Variants in TTC28 observed in about 807,000 individuals in gnomAD.
TTC28 encodes tetratricopeptide repeat domain 28.
In TTC28, 61 loss-of-function variants were observed where a neutral mutation model predicts 198.0. That is an observed-to-expected ratio of 0.31 (90% CI 0.25 to 0.38). The LOEUF (loss-of-function observed/expected upper bound fraction) is 0.38, where lower values mean the gene tolerates loss of function less well. Among genes scored for constraint, TTC28 ranks in the 10% least tolerant of loss-of-function variants. TTC28 has a pLI of 1.00. For synonymous variants in TTC28, 1,171 were observed against 1,297.8 expected (o/e 0.90, Z 2.10); for missense variants, 2,678 against 3,164.0 (o/e 0.85, Z 3.69).
intron 2 of TTC28, among the ~76,000 whole-genome samples, chr22:28,402,422 A>G (rs1486538938): frequency 3.3e-5 from 5 of 152,322 alleles, no homozygotes; most frequent in Non-Finnish European, 1.5e-5. Context: ...TTTACCTAAA[A>G]TCACCCCCAG....
Position 28,594,437 on chromosome 22 carries a change from G to T in TTC28, c.381+35115C>A, listed in dbSNP as rs181085683. On this transcript the variant is annotated intron_variant, in intron 2 of 22. Transcript: ENST00000397906. The stretch of plus-strand genomic sequence containing the variant: ...ACCTTCTGAGGTCTGGGGAAAAACT[G>T]CCATAAATTGAGAATCACTGAAGCA... 2.9e-4 allele frequency among the ~76,000 whole-genome samples: 44 copies of T among 152,072 alleles called. 1 individual carries two copies. Among genetic ancestry groups the T allele is most frequent in the African/African-American group, 1.0e-3 (42 of 41,508 alleles).
intron 13 of TTC28, among the ~76,000 whole-genome samples, chr22:28,017,166 G>A (rs992069004): frequency 1.3e-5 from 2 of 152,234 alleles, no homozygotes; most frequent in African/African-American, 2.4e-5. Context: ...GCTTGGGCAC[G>A]TGAGCTAGAG....
Position 28,403,942 on chromosome 22 carries a change from A to G in TTC28, c.382-97299T>C, listed in dbSNP as rs2046957958. The stretch of plus-strand genomic sequence containing the variant: ...GGGAAGACAGACTTTTTTTAAGTAA[A>G]GAAACATCTGCCCAAAAAGCTTAGG... On this transcript the variant is annotated intron_variant, in intron 2 of 22. Transcript: ENST00000397906. 2.0e-5 allele frequency among the ~76,000 whole-genome samples: 3 copies of G among 152,222 alleles called. No individual in the cohort carries two copies. In the South Asian group the frequency reaches 6.2e-4, roughly 32 times the overall value.
chr22:28,603,765 G>T (rs1357045639), intron 2 of TTC28, among the ~76,000 whole-genome samples: 1 of 151,778 alleles, frequency 6.6e-6, no homozygotes, highest in Non-Finnish European at 1.5e-5. Flanking sequence ...ACTGAAAACA[G>T]TATAATACTT....
intron 2 of TTC28, among the ~76,000 whole-genome samples, chr22:28,473,411 C>T (rs1364251141): frequency 6.6e-6 from 1 of 152,136 alleles, no homozygotes; most frequent in African/African-American, 2.4e-5. Flanking sequence ...AGGGAAGAGG[C>T]AAAAACACCT....
At chr22:28,389,546 C>T (rs1330771419) in intron 2 of TTC28, among the ~76,000 whole-genome samples, 3 of 148,980 alleles carry the variant, frequency 2.0e-5, no homozygotes, top group Non-Finnish European at 4.5e-5. Flanking sequence ...TTCAGAGATT[C>T]AACTTCTTCC....
chr22:28,093,347 T>C (rs1174577645), intron 12 of TTC28, among the ~76,000 whole-genome samples: 1 of 152,214 alleles, frequency 6.6e-6, no homozygotes, highest in Non-Finnish European at 1.5e-5. Context: ...TCTTGGGACC[T>C]GATACAAGCT....
chr22:28,243,719 CATA>C (rs1256757461), intron 5 of TTC28, among the ~76,000 whole-genome samples: 1 of 151,984 alleles, frequency 6.6e-6, no homozygotes, highest in Non-Finnish European at 1.5e-5. Flanking sequence ...GGGGTCCAGG[CATA>C]ATGAGAATGT....
intron 1 of TTC28, among the ~76,000 whole-genome samples, chr22:28,630,486 T>C (rs1290151841): frequency 6.6e-6 from 1 of 152,150 alleles, no homozygotes; most frequent in East Asian, 1.9e-4. Flanking sequence ...GTTTTTGTTG[T>C]TGTTGTTTTT....
intron 5 of TTC28, among the ~76,000 whole-genome samples, chr22:28,259,992 T>C (rs893093262): frequency 6.6e-6 from 1 of 152,164 alleles, no homozygotes; most frequent in South Asian, 2.1e-4. Context: ...CAACTGTCTA[T>C]GCATTTATCA....
intron 5 of TTC28, among the ~76,000 whole-genome samples, chr22:28,225,198 T>C (rs1429855382): frequency 6.6e-6 from 1 of 151,592 alleles, no homozygotes; most frequent in Non-Finnish European, 1.5e-5. Context: ...CTACTAAAAA[T>C]ACAAAAATTG....
chr22:28,394,703 T>C (rs2046787051), intron 2 of TTC28, among the ~76,000 whole-genome samples: 1 of 152,172 alleles, frequency 6.6e-6, no homozygotes, highest in African/African-American at 2.4e-5. Flanking sequence ...TTCTATTCAG[T>C]TTCACAGCTG....
chr22:28,366,061 C>G (rs1371839232), intron 2 of TTC28, among the ~76,000 whole-genome samples: 1 of 152,168 alleles, frequency 6.6e-6, no homozygotes, highest in African/African-American at 2.4e-5. Context: ...TACAATTTGG[C>G]AGCGGTTAGC....
chr22:28,413,749 T>TA (rs5844809), intron 2 of TTC28, among the ~76,000 whole-genome samples: 82,226 of 151,608 alleles, frequency 0.54, 23,411 homozygotes, highest in South Asian at 0.7. Context: ...GGCTAAAAGT[T>TA]AAAAAAAAGG....
At chr22:28,548,137 T>C (rs1390558500) in intron 2 of TTC28, among the ~76,000 whole-genome samples, 1 of 152,172 alleles carries the variant, frequency 6.6e-6, no homozygotes, top group Non-Finnish European at 1.5e-5. Context: ...CACTCCATGT[T>C]TTTGACAGTG....
intron 12 of TTC28, among the ~76,000 whole-genome samples, chr22:28,079,106 C>G (rs1324607495): frequency 1.3e-5 from 2 of 152,140 alleles, no homozygotes; most frequent in Non-Finnish European, 2.9e-5. Context: ...ATCAGAAACT[C>G]TGAAGACACT....
intron 2 of TTC28, among the ~76,000 whole-genome samples, chr22:28,576,498 T>C (rs1205298113): frequency 1.3e-5 from 2 of 152,156 alleles, no homozygotes; most frequent in South Asian, 2.1e-4. Flanking sequence ...ATTAGCCTCA[T>C]AGAATGAGTT....
chr22:28,334,304 A>T (rs566677404), intron 2 of TTC28, among the ~76,000 whole-genome samples: 1 of 152,222 alleles, frequency 6.6e-6, no homozygotes, highest in South Asian at 2.1e-4. Context: ...TAGTGCCACA[A>T]TAAACATATG....
chr22:28,353,068 T>C (rs1277132639), intron 2 of TTC28, among the ~76,000 whole-genome samples: 3 of 151,794 alleles, frequency 2.0e-5, no homozygotes, highest in Admixed American at 2.0e-4. Context: ...ATTAACCTAA[T>C]AAAATCATAA....
Sources: allele counts gnomAD v4.1 joint callset (sites outside exome capture counted in the v4.1 genomes callset), GRCh38; gene constraint gnomAD v4.1.1; transcripts MANE v1.5; gene names NCBI Gene and HGNC (gene_info 2026-07-23, HGNC 2026-07-21).